Variants in NEGR1 observed in about 807,000 individuals in gnomAD.
NEGR1 encodes the protein IgLON family member 4.
Under a neutral mutation model 40.9 loss-of-function variants are expected in NEGR1, and 10 were observed. The ratio of observed to expected loss-of-function variants is 0.24; its 90% CI spans 0.15 to 0.42. NEGR1 has a LOEUF of 0.42. NEGR1 is among the 10% of genes least tolerant of loss of function. The probability of loss-of-function intolerance (pLI) is 1.00; values close to 1 mark genes in which losing one functional copy is unlikely to be tolerated. For synonymous variants in NEGR1, 185 were observed against 166.8 expected (o/e 1.11, Z -0.84); for missense variants, 352 against 438.9 (o/e 0.80, Z 1.77).
At chr1:72,206,309 G>A (rs1438618816) in intron 1 of NEGR1, among the ~76,000 whole-genome samples, 1 of 151,938 alleles carries the variant, frequency 6.6e-6, no homozygotes, top group African/African-American at 2.4e-5. Context: ...GTGGCTTACT[G>A]TGAGAAGAAA....
rs1233577769 is a variant in NEGR1, at chr1:71,790,392, G to C, written c.410-14095C>G. On this transcript the variant is annotated intron_variant, in intron 2 of 6. Transcript: ENST00000357731. ...AACTATACCGGAGGTCAGGTGTTCA[G>C]TTTCAGTCGTTACAACATGCTAGTA... 2.0e-5 allele frequency among the ~76,000 whole-genome samples: 3 copies of C among 152,074 alleles called. No homozygotes were observed. In the East Asian group the frequency reaches 5.8e-4, roughly 29 times the overall value.
intron 6 of NEGR1, among the ~76,000 whole-genome samples, chr1:71,433,779 T>C (rs965673332): frequency 6.6e-6 from 1 of 152,218 alleles, no homozygotes; most frequent in Admixed American, 6.5e-5. Flanking sequence ...AACCAAACCA[T>C]ATCATACAGT....
intron 1 of NEGR1, among the ~76,000 whole-genome samples, chr1:72,053,274 A>G (rs143631691): frequency 1.3e-4 from 19 of 151,276 alleles, no homozygotes; most frequent in African/African-American, 4.1e-4. Flanking sequence ...AGACATTGTC[A>G]TCTTATTCAT....
intron 1 of NEGR1, among the ~76,000 whole-genome samples, chr1:72,095,068 G>T (rs941859009): frequency 4.6e-5 from 7 of 152,012 alleles, no homozygotes; most frequent in African/African-American, 1.7e-4. Context: ...TAAAAATAAT[G>T]AAATCTTACC....
At chr1:71,997,807 A>G (rs897287447) in intron 1 of NEGR1, among the ~76,000 whole-genome samples, 7 of 151,986 alleles carry the variant, frequency 4.6e-5, no homozygotes, top group African/African-American at 1.4e-4. Context: ...CTAATATTCA[A>G]TGAGCTAAGC....
chr1:71,678,102 A>G (rs1652707411), intron 4 of NEGR1, among the ~76,000 whole-genome samples: 1 of 151,888 alleles, frequency 6.6e-6, no homozygotes, highest in Non-Finnish European at 1.5e-5. Context: ...GGCATGGTAA[A>G]AAAAAGAAGA....
intron 1 of NEGR1, among the ~76,000 whole-genome samples, chr1:72,026,349 C>T (rs1278797870): frequency 2.0e-5 from 3 of 150,102 alleles, no homozygotes; most frequent in Non-Finnish European, 4.4e-5. Flanking sequence ...AAAACTAAAA[C>T]CCTTGTCTCT....
intron 2 of NEGR1, among the ~76,000 whole-genome samples, chr1:71,879,182 A>T (rs1309071998): frequency 6.6e-6 from 1 of 151,772 alleles, no homozygotes; most frequent in Non-Finnish European, 1.5e-5. Flanking sequence ...AACCCTATCT[A>T]TTTGCCATCA....
chr1:72,002,043 C>G (rs1002650412), intron 1 of NEGR1, among the ~76,000 whole-genome samples: 1 of 151,966 alleles, frequency 6.6e-6, no homozygotes, highest in Non-Finnish European at 1.5e-5. Flanking sequence ...TAATAAAATT[C>G]TAGTCATCTG....
intron 2 of NEGR1, among the ~76,000 whole-genome samples, chr1:71,878,313 G>T (rs924776080): frequency 6.6e-6 from 1 of 152,092 alleles, no homozygotes; most frequent in African/African-American, 2.4e-5. Context: ...TCCCAGCAGT[G>T]ATTCTTACAC....
chr1:71,722,434 TG>T (rs1425094588), intron 3 of NEGR1, among the ~76,000 whole-genome samples: 1 of 152,108 alleles, frequency 6.6e-6, no homozygotes, highest in African/African-American at 2.4e-5. Context: ...ATATGATCTC[TG>T]TCATTAAGGG....
chr1:72,139,911 G>A (rs987728072), intron 1 of NEGR1, among the ~76,000 whole-genome samples: 2 of 152,022 alleles, frequency 1.3e-5, no homozygotes, highest in South Asian at 2.1e-4. Context: ...AGCCAGGTGT[G>A]AACTGGGAGA....
At chr1:72,128,921 G>T (rs189030293) in intron 1 of NEGR1, among the ~76,000 whole-genome samples, 1 of 152,248 alleles carries the variant, frequency 6.6e-6, no homozygotes, top group Admixed American at 6.5e-5. Context: ...GGGAGGACTG[G>T]TTCAATCTGC....
chr1:72,109,277 C>T (rs1003782970), intron 1 of NEGR1, among the ~76,000 whole-genome samples: 3 of 151,638 alleles, frequency 2.0e-5, no homozygotes, highest in East Asian at 3.9e-4. Flanking sequence ...GCTATTACTT[C>T]TCTCCGTTTT....
intron 3 of NEGR1, among the ~76,000 whole-genome samples, chr1:71,763,697 T>C (rs1255803647): frequency 6.6e-6 from 1 of 151,988 alleles, no homozygotes; most frequent in East Asian, 1.9e-4. Flanking sequence ...TAATAGGGTG[T>C]AGCCATATTA....
intron 1 of NEGR1, among the ~76,000 whole-genome samples, chr1:71,957,194 G>A (rs1168011986): frequency 6.6e-6 from 1 of 152,144 alleles, no homozygotes; most frequent in Admixed American, 6.6e-5. Context: ...CTATATCCCA[G>A]TGGAAGTCTT....
intron 6 of NEGR1, chr1:71,484,794 A>T (rs1646876252): frequency 6.6e-6 from 1 of 151,712 alleles, no homozygotes; most frequent in Non-Finnish European, 1.5e-5. Context: ...AGGGATGAAG[A>T]AACTGAGGCC....
At chr1:71,940,376 C>T (rs917075193) in intron 1 of NEGR1, among the ~76,000 whole-genome samples, 5 of 152,156 alleles carry the variant, frequency 3.3e-5, no homozygotes, top group Non-Finnish European at 7.3e-5. Flanking sequence ...CAAAAATACA[C>T]TCTTCAGCAT....
chr1:72,126,432 T>C (rs1234427272), intron 1 of NEGR1, among the ~76,000 whole-genome samples: 1 of 152,108 alleles, frequency 6.6e-6, no homozygotes, highest in African/African-American at 2.4e-5. Context: ...AAACAAAAAT[T>C]TCTAACTACA....
Sources: allele counts gnomAD v4.1 joint callset (sites outside exome capture counted in the v4.1 genomes callset), GRCh38; gene constraint gnomAD v4.1.1; transcripts MANE v1.5; gene names NCBI Gene and HGNC (gene_info 2026-07-23, HGNC 2026-07-21).